The following CHODL variants were observed in gnomAD, a reference collection of about 807,000 sequenced individuals.
CHODL encodes chondrolectin.
CHODL carries 29 observed loss-of-function variants against 34.5 expected under a neutral mutation model. The observed-to-expected ratio is 0.84, with a 90% CI of 0.63 to 1.15. CHODL has a LOEUF of 1.15. Ranked by LOEUF, CHODL falls within the 50% of genes most tolerant of loss-of-function variation. The pLI, the probability that CHODL is intolerant of heterozygous loss-of-function variation, is 0.00. For missense variants in CHODL, 332 were observed against 332.5 expected (o/e 1.00, Z 0.01); for synonymous variants, 125 against 116.1 (o/e 1.08, Z -0.49).
In CHODL at chr21:18,266,005, G is replaced by A. The variant is rs772394923; in HGVS notation, c.789G>A (p.Lys263=). ...SPNQSTLWIS[K]STRKESGMEV Reference sequence around the variant, plus strand: ...ACCAGTCTACACTGTGGATTTCAAAGAGTACCAGAAAAGAAAGTGGCATGG... The same window carrying A: ...ACCAGTCTACACTGTGGATTTCAAAAAGTACCAGAAAAGAAAGTGGCATGG... Residue 263 remains lysine (K), a synonymous_variant, in exon 6 of 6, where the codon AAG becomes AAA. Coordinates refer to ENST00000299295, the MANE Select transcript of CHODL (RefSeq NM_024944.3). 3 of 1,613,566 alleles carry A rather than the reference G, an allele frequency of 1.9e-6. No individual in the cohort carries two copies. The highest frequency in any genetic ancestry group is 2.5e-6 in the Non-Finnish European group (3 of 1,179,682).
At chr21:17,956,321 A>T (rs1387379087) in intron 1 of CHODL, among the ~76,000 whole-genome samples, 2 of 135,546 alleles carry the variant, frequency 1.5e-5, no homozygotes, top group African/African-American at 5.0e-5. Flanking sequence ...CGCCTGCTCC[A>T]CCTTTATCTT....
At chr21:18,122,203 A>ATTTGT (rs57001459) in intron 2 of CHODL, among the ~76,000 whole-genome samples, 55,494 of 151,642 alleles carry the variant, frequency 0.37, 10,874 homozygotes, top group East Asian at 0.76. Context: ...TTTTTTATTG[A>ATTTGT]TTTATTAAAC....
chr21:17,955,956 C>T (rs1263693976), intron 1 of CHODL, among the ~76,000 whole-genome samples: 1 of 136,950 alleles, frequency 7.3e-6, no homozygotes, highest in African/African-American at 2.5e-5. Context: ...TGACTGAATG[C>T]CTTGATCCCG....
intron 2 of CHODL, among the ~76,000 whole-genome samples, chr21:18,122,073 C>T (rs2065486475): frequency 6.6e-6 from 1 of 152,076 alleles, no homozygotes; most frequent in Non-Finnish European, 1.5e-5. Context: ...CTTAAATTTT[C>T]TAAAAATGAT....
intron 2 of CHODL, among the ~76,000 whole-genome samples, chr21:18,185,839 T>G (rs2073434141): frequency 6.6e-6 from 1 of 152,152 alleles, no homozygotes. Flanking sequence ...TAACCTTATA[T>G]GGTAGAAAAA....
intron 2 of CHODL, among the ~76,000 whole-genome samples, chr21:18,185,680 C>G (rs2073432315): frequency 1.3e-5 from 2 of 152,114 alleles, no homozygotes; most frequent in African/African-American, 4.8e-5. Context: ...GTTTGGGATC[C>G]TGTAATAAAA....
intron 2 of CHODL, among the ~76,000 whole-genome samples, chr21:18,103,288 G>C (rs2065237031): frequency 6.6e-6 from 1 of 152,118 alleles, no homozygotes; most frequent in Non-Finnish European, 1.5e-5. Context: ...TTAAAAAATA[G>C]TTTTAAATAT....
intron 2 of CHODL, among the ~76,000 whole-genome samples, chr21:18,154,883 G>C (rs915314297): frequency 1.3e-5 from 2 of 152,160 alleles, no homozygotes; most frequent in African/African-American, 4.8e-5. Context: ...TTTCAAGTCT[G>C]TATAAGATGA....
intron 2 of CHODL, among the ~76,000 whole-genome samples, chr21:18,060,434 A>C (rs2146483165): frequency 6.7e-6 from 1 of 149,268 alleles, no homozygotes; most frequent in South Asian, 2.1e-4. Context: ...TGGGCCACAG[A>C]GTGAGACTCT....
intron 1 of CHODL, among the ~76,000 whole-genome samples, chr21:17,956,813 C>T (rs540453298): frequency 1.4e-5 from 2 of 138,980 alleles, no homozygotes; most frequent in African/African-American, 2.5e-5. Context: ...AGAGATAAAC[C>T]CAAGAACATA....
intron 2 of CHODL, among the ~76,000 whole-genome samples, chr21:18,113,119 A>G (rs2065371378): frequency 6.6e-6 from 1 of 152,210 alleles, no homozygotes; most frequent in Non-Finnish European, 1.5e-5. Context: ...ATTTGAATGG[A>G]CATTTCTCAA....
At chr21:18,182,463 T>G (rs1216701045) in intron 2 of CHODL, among the ~76,000 whole-genome samples, 1 of 152,220 alleles carries the variant, frequency 6.6e-6, no homozygotes, top group Non-Finnish European at 1.5e-5. Context: ...CATTTCAGAA[T>G]GCATGAGTGT....
chr21:18,140,885 G>C (rs144028974), intron 2 of CHODL, among the ~76,000 whole-genome samples: 342 of 150,726 alleles, frequency 2.3e-3, no homozygotes, highest in African/African-American at 7.4e-3. Flanking sequence ...TGCGAATTTT[G>C]ATACAAAGAC....
chr21:18,007,300 A>G (rs1230638606), intron 1 of CHODL, among the ~76,000 whole-genome samples: 2 of 152,222 alleles, frequency 1.3e-5, no homozygotes, highest in Non-Finnish European at 2.9e-5. Context: ...AGAGCTGACA[A>G]TGCAAATATG....
rs111288268 is a variant in CHODL, at chr21:17,973,807, A to G, written c.-144-54065A>G. Among the ~76,000 whole-genome samples, 1,026 of 151,952 alleles carry G rather than the reference A, an allele frequency of 6.8e-3. 9 individuals are homozygous for G. Among genetic ancestry groups the G allele is most frequent in the African/African-American group, 0.023 (957 of 41,468 alleles). ...GTTAGGTTACTATCTTTCAGGAAAA[A>G]AAAAAAAAAAGGACCTCAGAAAAGG... On this transcript the variant is annotated intron_variant, in intron 1 of 6. Coordinates refer to the CHODL transcript ENST00000400127.
chr21:17,996,762 A>G (rs973910771), intron 1 of CHODL, among the ~76,000 whole-genome samples: 7 of 152,242 alleles, frequency 4.6e-5, no homozygotes, highest in Non-Finnish European at 1.0e-4. Context: ...TCATGAATTT[A>G]TAGACCTGAA....
chr21:18,147,867 C>T (rs2072914788), intron 2 of CHODL, among the ~76,000 whole-genome samples: 1 of 152,192 alleles, frequency 6.6e-6, no homozygotes. Context: ...GTAGGTTCCT[C>T]CCTAAGCTCA....
intron 1 of CHODL, among the ~76,000 whole-genome samples, chr21:18,020,152 T>G (rs986046603): frequency 6.6e-6 from 1 of 152,146 alleles, no homozygotes; most frequent in Non-Finnish European, 1.5e-5. Context: ...TTGCCCAAAT[T>G]TTCTATTTTC....
chr21:18,130,278 G>A (rs943221817), intron 2 of CHODL, among the ~76,000 whole-genome samples: 4 of 152,044 alleles, frequency 2.6e-5, no homozygotes, highest in African/African-American at 9.7e-5. Flanking sequence ...AATGCTTAAC[G>A]CCAGCCTGGC....
Sources: gnomAD v4.1 joint callset for allele counts (sites outside exome capture counted in the v4.1 genomes callset) on GRCh38, gnomAD v4.1.1 for gene constraint, MANE v1.5 for transcripts, NCBI Gene and HGNC (gene_info 2026-07-23, HGNC 2026-07-21) for gene names.